The following AFG2B variants were observed in gnomAD, a reference collection of about 807,000 sequenced individuals.
AFG2B encodes ATPase family gene 2 protein homolog B.
chr15:45,406,763 ATT>A, the AFG2B span, among the ~76,000 whole-genome samples: 6 of 152,360 alleles, frequency 3.9e-5, no homozygotes, highest in East Asian at 1.2e-3. Context: ...ATTATCCTAA[ATT>A]TTGAAAAACC....
At chr15:45,417,070 A>ATTAAC in the AFG2B span, 1 of 542,882 alleles carries the variant, frequency 1.8e-6, no homozygotes. Context: ...AGCCATGCAC[A>ATTAAC]CAAAGTAGCT....
chr15:45,418,586 A>T, the AFG2B span: 2 of 1,612,998 alleles, frequency 1.2e-6, no homozygotes, highest in South Asian at 2.2e-5. Flanking sequence ...AAGTCTGTAC[A>T]AAAACCATGC....
At chr15:45,408,483 T>A in the AFG2B span, among the ~76,000 whole-genome samples, 1 of 152,202 alleles carries the variant, frequency 6.6e-6, no homozygotes, top group East Asian at 1.9e-4. Flanking sequence ...CTTAACATTT[T>A]AATGTCTATT....
chr15:45,412,307 A>C, the AFG2B span, among the ~76,000 whole-genome samples: 1 of 152,224 alleles, frequency 6.6e-6, no homozygotes, highest in Non-Finnish European at 1.5e-5. Context: ...AGGCTGAGGC[A>C]GGAGAATCGC....
chr15:45,409,737 G>A, the AFG2B span, among the ~76,000 whole-genome samples: 1 of 151,944 alleles, frequency 6.6e-6, no homozygotes, highest in African/African-American at 2.4e-5. Context: ...AGCCAGGCTG[G>A]TGGCACATAC....
the AFG2B span, among the ~76,000 whole-genome samples, chr15:45,411,321 A>T: frequency 6.6e-6 from 1 of 152,130 alleles, no homozygotes; most frequent in Non-Finnish European, 1.5e-5. Flanking sequence ...ATCTCTATTT[A>T]AAAAAATTAT....
the AFG2B span, chr15:45,418,775 TG>T: frequency 4.0e-6 from 6 of 1,482,480 alleles, no homozygotes; most frequent in East Asian, 2.3e-5. Context: ...AAAGCCTGTG[TG>T]GTACCATGTG....
chr15:45,416,110 C>T, the AFG2B span, among the ~76,000 whole-genome samples: 6 of 152,130 alleles, frequency 3.9e-5, no homozygotes, highest in Non-Finnish European at 7.4e-5. Context: ...GTCCTAAAAA[C>T]CAGTATTCAT....
chr15:45,403,550 G>C, the AFG2B span: 5 of 1,587,640 alleles, frequency 3.1e-6, no homozygotes, highest in Non-Finnish European at 4.3e-6. Context: ...GCCCACTGTC[G>C]GTGGAACCTC....
At chr15:45,410,643 C>T in the AFG2B span, 2 of 940,478 alleles carry the variant, frequency 2.1e-6, no homozygotes, top group South Asian at 2.2e-5. Flanking sequence ...CTAATGTGAT[C>T]CTAACATCTA....
At chr15:45,408,533 GGTGATGTATA>G in the AFG2B span, among the ~76,000 whole-genome samples, 1 of 152,208 alleles carries the variant, frequency 6.6e-6, no homozygotes, top group South Asian at 2.1e-4. Context: ...ACCACAGTAT[GGTGATGTATA>G]GTGTTGTGTC....
the AFG2B span, chr15:45,405,293 C>G: frequency 6.3e-7 from 1 of 1,576,080 alleles, no homozygotes; most frequent in African/African-American, 1.4e-5. Context: ...ACTTCTTCTT[C>G]TTTTTTTTGT....
the AFG2B span, chr15:45,402,990 C>T: frequency 3.8e-6 from 6 of 1,591,028 alleles, no homozygotes; most frequent in East Asian, 2.3e-5. Context: ...TCAGCCTTGG[C>T]GGGGAGCCTC....
chr15:45,416,516 T>A, the AFG2B span, among the ~76,000 whole-genome samples: 3 of 152,228 alleles, frequency 2.0e-5, no homozygotes, highest in African/African-American at 7.2e-5. Flanking sequence ...CATATGGAAT[T>A]GTTGCATACA....
chr15:45,418,475 C>CA, the AFG2B span: 2 of 1,402,218 alleles, frequency 1.4e-6, no homozygotes, highest in Admixed American at 4.8e-5. Context: ...AAAGGAAACT[C>CA]AAGCTAAAAA....
chr15:45,410,244 A>G, the AFG2B span: 3 of 1,015,506 alleles, frequency 3.0e-6, no homozygotes, highest in South Asian at 1.6e-5. Flanking sequence ...ATGTATATAA[A>G]TTGTTTTTAT....
chr15:45,416,877 TTCTG>T, the AFG2B span: 2 of 155,280 alleles, frequency 1.3e-5, no homozygotes, highest in East Asian at 3.8e-4. Context: ...AGTCAAGACT[TTCTG>T]TAGCCATATA....
At chr15:45,415,670 C>T in the AFG2B span, 1 of 1,614,094 alleles carries the variant, frequency 6.2e-7, no homozygotes. Flanking sequence ...GCTCAGCCAG[C>T]AAGACAGGAT....
At chr15:45,402,977 G>C in the AFG2B span, 2 of 1,594,428 alleles carry the variant, frequency 1.3e-6, no homozygotes, top group South Asian at 2.2e-5. Context: ...CCTCGTACCC[G>C]CGTCAGCCTT....
Sources: gnomAD v4.1 joint callset for allele counts (sites outside exome capture counted in the v4.1 genomes callset) on GRCh38, gnomAD v4.1.1 for gene constraint, MANE v1.5 for transcripts, NCBI Gene and HGNC (gene_info 2026-07-23, HGNC 2026-07-21) for gene names.